SYN3: variants seen among roughly 807,000 people sequenced by gnomAD.
The protein encoded by SYN3 is synapsin III.
In SYN3, 35 loss-of-function variants were observed where a neutral mutation model predicts 65.8. That is an observed-to-expected ratio of 0.53 (90% CI 0.41 to 0.70). SYN3 has a LOEUF of 0.70. Among genes scored for constraint, SYN3 ranks in the 30% least tolerant of loss-of-function variants. The probability of loss-of-function intolerance (pLI) is 0.00; values close to 1 mark genes in which losing one functional copy is unlikely to be tolerated. For missense variants in SYN3, 680 were observed against 749.0 expected (o/e 0.91, Z 1.08); for synonymous variants, 270 against 292.9 (o/e 0.92, Z 0.80).
At chr22:32,858,494 C>A (rs1266112349) in intron 6 of SYN3, among the ~76,000 whole-genome samples, 1 of 152,132 alleles carries the variant, frequency 6.6e-6, no homozygotes, top group Admixed American at 6.5e-5. Flanking sequence ...CAAGTGGGCT[C>A]ACCCTGGTAG....
At chr22:32,796,851 T>C (rs1051047349) in intron 6 of SYN3, among the ~76,000 whole-genome samples, 1 of 152,270 alleles carries the variant, frequency 6.6e-6, no homozygotes, top group Admixed American at 6.5e-5. Flanking sequence ...GACTGTGGCA[T>C]CCTCTGCAGT....
chr22:32,844,913 G>A (rs893332458), intron 6 of SYN3, among the ~76,000 whole-genome samples: 1 of 152,010 alleles, frequency 6.6e-6, no homozygotes, highest in Non-Finnish European at 1.5e-5. Flanking sequence ...ATTTTTTATA[G>A]AGACAAGGTC....
chr22:32,536,186 C>T (rs113580326), intron 9 of SYN3, among the ~76,000 whole-genome samples: 21 of 152,196 alleles, frequency 1.4e-4, no homozygotes, highest in African/African-American at 4.6e-4. Context: ...AAGATGGCCA[C>T]GACTGTCCCG....
intron 2 of SYN3, among the ~76,000 whole-genome samples, chr22:33,003,946 C>T (rs1407961375): frequency 1.3e-5 from 2 of 152,214 alleles, no homozygotes; most frequent in Non-Finnish European, 2.9e-5. Context: ...GCCACTTCAG[C>T]TGTGGCTAAA....
chr22:32,907,046 T>C (rs1330483193), intron 4 of SYN3, among the ~76,000 whole-genome samples: 1 of 152,200 alleles, frequency 6.6e-6, no homozygotes, highest in African/African-American at 2.4e-5. Flanking sequence ...CTGGGTCAAA[T>C]GGTATTTCTG....
intron 4 of SYN3, among the ~76,000 whole-genome samples, chr22:32,927,802 CT>C (rs1385809932): frequency 1.3e-5 from 2 of 152,058 alleles, no homozygotes; most frequent in African/African-American, 4.8e-5. Flanking sequence ...TACAGTTTCC[CT>C]TTGTGAAGGT....
chr22:32,542,463 T>C (rs1052671868), intron 7 of SYN3, among the ~76,000 whole-genome samples: 2 of 151,800 alleles, frequency 1.3e-5, no homozygotes, highest in Non-Finnish European at 2.9e-5. Flanking sequence ...GTGTGATATA[T>C]GTGTGTGTGG....
chr22:32,684,991 G>A (rs1423603647), intron 6 of SYN3, among the ~76,000 whole-genome samples: 3 of 152,156 alleles, frequency 2.0e-5, no homozygotes, highest in Non-Finnish European at 2.9e-5. Flanking sequence ...ATGGTCCACT[G>A]CCTCTTTTTT....
intron 6 of SYN3, among the ~76,000 whole-genome samples, chr22:32,671,738 T>C (rs905236404): frequency 2.6e-4 from 33 of 127,836 alleles, no homozygotes; most frequent in Non-Finnish European, 3.9e-4. Flanking sequence ...TACACACACA[T>C]GCTATCACAC....
intron 1 of SYN3, among the ~76,000 whole-genome samples, chr22:33,019,767 G>A (rs554750575): frequency 7.2e-5 from 11 of 152,188 alleles, no homozygotes; most frequent in South Asian, 2.1e-4. Context: ...CTACAGGCAC[G>A]TGCCACCACC....
intron 4 of SYN3, among the ~76,000 whole-genome samples, chr22:32,881,342 C>G (rs2146418228): frequency 6.6e-6 from 1 of 152,252 alleles, no homozygotes; most frequent in East Asian, 1.9e-4. Context: ...GTACTTATAC[C>G]CAAGGCCTTC....
chr22:32,857,667 C>T (rs866309050), intron 6 of SYN3, among the ~76,000 whole-genome samples: 3 of 152,116 alleles, frequency 2.0e-5, no homozygotes, highest in Non-Finnish European at 4.4e-5. Context: ...CTGTTAGGCC[C>T]GTCTTTGAAA....
At chr22:32,638,022 G>T (rs58208983) in intron 6 of SYN3, among the ~76,000 whole-genome samples, 1 of 151,986 alleles carries the variant, frequency 6.6e-6, no homozygotes, top group Non-Finnish European at 1.5e-5. Flanking sequence ...CTTTATGTCC[G>T]TGAGTACTTC....
At chr22:32,600,431 G>A (rs914038646) in intron 6 of SYN3, among the ~76,000 whole-genome samples, 3 of 152,158 alleles carry the variant, frequency 2.0e-5, no homozygotes, top group Non-Finnish European at 4.4e-5. Flanking sequence ...CTGCTGTGCA[G>A]CTCTGTTTCT....
intron 6 of SYN3, among the ~76,000 whole-genome samples, chr22:32,666,013 G>C (rs2060284750): frequency 6.6e-6 from 1 of 152,124 alleles, no homozygotes; most frequent in Non-Finnish European, 1.5e-5. Context: ...TCCTACTTCA[G>C]TTAATGGCAG....
intron 6 of SYN3, among the ~76,000 whole-genome samples, chr22:32,779,909 G>A (rs918184668): frequency 6.6e-6 from 1 of 151,978 alleles, no homozygotes; most frequent in East Asian, 1.9e-4. Flanking sequence ...CAGGGGAGCA[G>A]GAACAAAGCG....
intron 6 of SYN3, chr22:32,629,796 G>A (rs1465887015): frequency 6.6e-6 from 1 of 152,088 alleles, no homozygotes. Flanking sequence ...TAGTGGGGTG[G>A]TTAAGAGCAT....
At chr22:32,548,074 C>T (rs887704403) in intron 7 of SYN3, among the ~76,000 whole-genome samples, 1 of 152,204 alleles carries the variant, frequency 6.6e-6, no homozygotes, top group Admixed American at 6.5e-5. Flanking sequence ...CATCATGAAA[C>T]GCCCACATTT....
intron 2 of SYN3, among the ~76,000 whole-genome samples, chr22:33,004,039 C>T (rs935381310): frequency 3.9e-5 from 6 of 152,222 alleles, no homozygotes; most frequent in Non-Finnish European, 5.9e-5. Context: ...GCTGGCCCTG[C>T]GGATGCACAG....
Sources: allele counts gnomAD v4.1 joint callset (sites outside exome capture counted in the v4.1 genomes callset), GRCh38; gene constraint gnomAD v4.1.1; transcripts MANE v1.5; gene names NCBI Gene and HGNC (gene_info 2026-07-23, HGNC 2026-07-21).